SGCZ: variants seen among roughly 807,000 people sequenced by gnomAD.
SGCZ encodes the protein zeta-sarcoglycan.
A neutral mutation model predicts 41.3 loss-of-function variants in SGCZ; 40 were observed. The observed-to-expected ratio is 0.97, with a 90% CI of 0.75 to 1.26. The LOEUF (loss-of-function observed/expected upper bound fraction) is 1.26, where lower values mean the gene tolerates loss of function less well. Among genes scored for constraint, SGCZ ranks in the 50% most tolerant of loss-of-function variants. SGCZ has a pLI of 0.00. For synonymous variants in SGCZ, 206 were observed against 137.5 expected, an observed-to-expected ratio of 1.50 and a Z score of -3.49; for missense variants, 552 against 369.8, an observed-to-expected ratio of 1.49 and a Z score of -4.04.
chr8:15,142,433 G>C (rs555247191), intron 1 of SGCZ, among the ~76,000 whole-genome samples: 40 of 152,172 alleles, frequency 2.6e-4, no homozygotes, highest in Non-Finnish European at 4.3e-4. Flanking sequence ...GGAGTACCTA[G>C]AGCCTACAGA....
chr8:15,012,338 C>G (rs1802853222), intron 1 of SGCZ, among the ~76,000 whole-genome samples: 1 of 151,142 alleles, frequency 6.6e-6, no homozygotes, highest in African/African-American at 2.4e-5. Context: ...TGACATATGC[C>G]TATAGTCCTA....
Position 14,106,775 on chromosome 8 carries a change from A to C in SGCZ, c.620+1388T>G, listed in dbSNP as rs141645641. ...GGTTGATACTATGATCCAACTTTAA[A>C]AGTGACTTTTAGTATGTGACTAGTT... is the stretch of plus-strand genomic sequence containing the variant. On this transcript the variant is annotated intron_variant, in intron 6 of 7. Transcript: ENST00000382080. Among the ~76,000 whole-genome samples the C allele has an allele frequency of 2.3e-3, 350 of 152,322 alleles. 1 individual carries two copies. Among genetic ancestry groups the C allele is most frequent in the African/African-American group, 7.9e-3 (330 of 41,574 alleles).
At chr8:14,422,747 T>C (rs1799669122) in intron 2 of SGCZ, among the ~76,000 whole-genome samples, 2 of 152,226 alleles carry the variant, frequency 1.3e-5, no homozygotes, top group Admixed American at 1.3e-4. Context: ...GGCTTGCTTT[T>C]GTTACCCCAG....
intron 1 of SGCZ, among the ~76,000 whole-genome samples, chr8:14,817,274 A>T (rs1036329386): frequency 2.6e-5 from 4 of 152,108 alleles, no homozygotes; most frequent in Non-Finnish European, 4.4e-5. Flanking sequence ...GCTCAGCATC[A>T]TGGAGGATTT....
intron 1 of SGCZ, among the ~76,000 whole-genome samples, chr8:14,661,643 A>C (rs1807754113): frequency 6.6e-6 from 1 of 152,168 alleles, no homozygotes; most frequent in Non-Finnish European, 1.5e-5. Context: ...GGCTAAGGAC[A>C]GTGGGAATTC....
At chr8:14,907,125 A>G (rs1032800865) in intron 1 of SGCZ, among the ~76,000 whole-genome samples, 1 of 152,106 alleles carries the variant, frequency 6.6e-6, no homozygotes, top group African/African-American at 2.4e-5. Context: ...TAAACTGATA[A>G]TTTAGTTTAT....
intron 2 of SGCZ, among the ~76,000 whole-genome samples, chr8:14,510,370 G>T (rs10113550): frequency 0.016 from 2,429 of 151,754 alleles, 62 homozygotes; most frequent in African/African-American, 0.056. Context: ...TAAAGTTAAA[G>T]TTATTGTTTT....
chr8:14,908,023 T>A (rs1799170448), intron 1 of SGCZ, among the ~76,000 whole-genome samples: 1 of 152,182 alleles, frequency 6.6e-6, no homozygotes, highest in Admixed American at 6.5e-5. Context: ...TGCTTTTTCT[T>A]TTCTTTTTGG....
At chr8:14,221,919 C>CCACT (rs1806209177) in intron 4 of SGCZ, among the ~76,000 whole-genome samples, 1 of 151,266 alleles carries the variant, frequency 6.6e-6, no homozygotes, top group South Asian at 2.1e-4. Context: ...CGAGATCATG[C>CCACT]CACTGCACTC....
intron 5 of SGCZ, among the ~76,000 whole-genome samples, chr8:14,117,650 A>G (rs1802566432): frequency 6.6e-6 from 1 of 151,806 alleles, no homozygotes; most frequent in Non-Finnish European, 1.5e-5. Context: ...TTTGTTACAT[A>G]GGTATACGTG....
chr8:14,994,895 G>T lies in SGCZ; in HGVS notation c.39+242690C>A, dbSNP rs77388288. Among the ~76,000 whole-genome samples the T allele has an allele frequency of 6.4e-3, 977 of 152,258 alleles. 57 individuals are homozygous for T. The East Asian group carries it at 0.14, about 22-fold the overall frequency. On this transcript the variant is annotated intron_variant, in intron 1 of 7. Transcript: ENST00000382080. Reference sequence around the variant, plus strand: ...CCTCCCCAAAATGCTCTCCAAAACTGTCTGCCAACAAATTCCTCAACACCT... The same window carrying T: ...CCTCCCCAAAATGCTCTCCAAAACTTTCTGCCAACAAATTCCTCAACACCT...
intron 2 of SGCZ, among the ~76,000 whole-genome samples, chr8:14,358,705 G>A (rs548079424): frequency 6.6e-6 from 1 of 152,064 alleles, no homozygotes; most frequent in African/African-American, 2.4e-5. Flanking sequence ...TCCACCTCTC[G>A]GGTTCAAGCA....
At chr8:14,780,352 G>A (rs2130431740) in intron 1 of SGCZ, among the ~76,000 whole-genome samples, 1 of 145,176 alleles carries the variant, frequency 6.9e-6, no homozygotes, top group South Asian at 2.2e-4. Flanking sequence ...TCCAGCCTGG[G>A]CCACAGAGTG....
At chr8:14,574,718 G>T (rs376936811) in intron 1 of SGCZ, among the ~76,000 whole-genome samples, 1 of 152,106 alleles carries the variant, frequency 6.6e-6, no homozygotes, top group Admixed American at 6.5e-5. Flanking sequence ...AAATTAATTA[G>T]TTATGTTTTT....
intron 1 of SGCZ, among the ~76,000 whole-genome samples, chr8:14,639,222 C>T (rs563273772): frequency 1.3e-5 from 2 of 151,490 alleles, no homozygotes; most frequent in African/African-American, 4.8e-5. Context: ...AAGGATTCTG[C>T]TGAAAGTTAG....
At chr8:14,161,087 G>A (rs1386764271) in intron 5 of SGCZ, among the ~76,000 whole-genome samples, 3 of 152,112 alleles carry the variant, frequency 2.0e-5, no homozygotes, top group African/African-American at 7.2e-5. Context: ...GTCAGCACAG[G>A]TATCTAATTT....
chr8:14,596,324 G>A (rs1321906588), intron 1 of SGCZ, among the ~76,000 whole-genome samples: 1 of 152,076 alleles, frequency 6.6e-6, no homozygotes, highest in Non-Finnish European at 1.5e-5. Context: ...TACCATAGAT[G>A]ATGTCTCAGA....
intron 1 of SGCZ, among the ~76,000 whole-genome samples, chr8:15,060,276 C>T: frequency 6.6e-6 from 1 of 151,914 alleles, no homozygotes; most frequent in African/African-American, 2.4e-5. Flanking sequence ...ACCCACATGT[C>T]CAAAAATGAT....
intron 1 of SGCZ, among the ~76,000 whole-genome samples, chr8:14,905,591 GC>G (rs1202686529): frequency 6.6e-6 from 1 of 151,898 alleles, no homozygotes. Context: ...AAAAATCTCT[GC>G]CCACACACAA....
Sources: gnomAD v4.1 joint callset for allele counts (sites outside exome capture counted in the v4.1 genomes callset) on GRCh38, gnomAD v4.1.1 for gene constraint, MANE v1.5 for transcripts, NCBI Gene and HGNC (gene_info 2026-07-23, HGNC 2026-07-21) for gene names.